MAN1C1: variants seen among roughly 807,000 people sequenced by gnomAD.
MAN1C1 encodes mannosidase alpha class 1C member 1, also known as mannosyl-oligosaccharide 1,2-alpha-mannosidase IC.
A neutral mutation model predicts 71.5 loss-of-function variants in MAN1C1; 49 were observed. That is an observed-to-expected ratio of 0.69 (90% CI 0.54 to 0.87). MAN1C1 has a LOEUF of 0.87. Among genes scored for constraint, MAN1C1 ranks in the 40% least tolerant of loss-of-function variants. The probability of loss-of-function intolerance (pLI) is 0.00; values close to 1 mark genes in which losing one functional copy is unlikely to be tolerated. For missense variants in MAN1C1, 743 were observed against 835.0 expected (o/e 0.89, Z 1.36); for synonymous variants, 352 against 343.7 (o/e 1.02, Z -0.27).
rs1405767592 is a variant in MAN1C1 at position 25,616,814 on chromosome 1, C to A, written c.-984C>A. Among the ~76,000 whole-genome samples, 1 of 147,764 alleles carries A rather than the reference C, an allele frequency of 6.8e-6. No homozygotes were observed. The highest frequency in any genetic ancestry group is 2.1e-4 in the South Asian group (1 of 4,816). ...GCAGTGAAAGCCCGAGCGGCGGCGGCGGCGGGGACGGCGGTGGAGGCGGCC... is the reference window on the plus strand; with the variant it reads ...GCAGTGAAAGCCCGAGCGGCGGCGGAGGCGGGGACGGCGGTGGAGGCGGCC... On this transcript the variant is annotated 5_prime_UTR_variant, in exon 1 of 12. Coordinates refer to ENST00000374332, the MANE Select transcript of MAN1C1 (RefSeq NM_020379.4). The surrounding 1 kb of genome is among the most constrained non-coding windows in gnomAD (Gnocchi z 5.6).
At position 25,617,844 on chromosome 1, in the gene MAN1C1, G is replaced by A; in HGVS notation, c.47G>A (p.Gly16Glu). 1 of 1,606,194 alleles carries A rather than the reference G, an allele frequency of 6.2e-7. No individual in the cohort carries two copies. Among genetic ancestry groups the A allele is most frequent in the Non-Finnish European group, 8.5e-7 (1 of 1,177,372 alleles). The change falls in exon 1 of 12, where the codon GGG becomes GAG. Residue 16 changes from glycine to glutamate, a missense_variant. By Grantham distance (98) the Gly-to-Glu change is moderately conservative (BLOSUM62 -2). Coordinates refer to ENST00000374332, the MANE Select transcript of MAN1C1 (RefSeq NM_020379.4). The surrounding 1 kb of genome is among the most constrained non-coding windows in gnomAD (Gnocchi z 5.1). ...GGCTTCGTCCCGGCCTCCCCGTGGG[G>A]GCTGCGGCTGCCGCAGAAGTTCCTC... ...VPGFVPASPW[G>E]LRLPQKFLFL...
rs1051663682 is a variant in MAN1C1 at position 25,634,692 on chromosome 1, C to T, written c.540+16355C>T. On this transcript the variant is annotated intron_variant, in intron 1 of 11. Transcript: ENST00000374332. This position sits in a 1 kb window ranked among gnomAD's most constrained non-coding sequence, Gnocchi z 4.6. ...AAAATCAGCCGGGCTTCTTGGCACACGCCTGTAGTCCCAGCTATTCAGGAG... is the reference window on the plus strand; with the variant it reads ...AAAATCAGCCGGGCTTCTTGGCACATGCCTGTAGTCCCAGCTATTCAGGAG... 1.3e-4 allele frequency among the ~76,000 whole-genome samples: 19 copies of T among 152,000 alleles called. No individual in the cohort carries two copies. Among genetic ancestry groups the T allele is most frequent in the African/African-American group, 1.9e-4 (8 of 41,368 alleles).
intron 4 of MAN1C1, among the ~76,000 whole-genome samples, chr1:25,749,922 C>A (rs1385354799): frequency 6.6e-6 from 1 of 152,246 alleles, no homozygotes; most frequent in Non-Finnish European, 1.5e-5. Context: ...TGAGGTGGGG[C>A]AGCCACTGCT....
intron 9 of MAN1C1, 108 bp from the exon 10 acceptor site, chr1:25,780,832 C>T: frequency 8.2e-7 from 1 of 1,223,928 alleles, no homozygotes; most frequent in Non-Finnish European, 1.2e-6. Flanking sequence ...CCACACACAC[C>T]TGACATCACC....
chr1:25,625,146 C>T (rs1402577289), intron 1 of MAN1C1, among the ~76,000 whole-genome samples: 1 of 151,804 alleles, frequency 6.6e-6, no homozygotes, highest in Non-Finnish European at 1.5e-5. Context: ...GCTGGGATTA[C>T]AGGCACCTGC....
chr1:25,632,068 G>T (rs557986930), intron 1 of MAN1C1, among the ~76,000 whole-genome samples: 1 of 152,188 alleles, frequency 6.6e-6, no homozygotes, highest in Non-Finnish European at 1.5e-5. Context: ...GCGGGCTGCC[G>T]TGTCCAGCCC....
At chr1:25,682,692 A>T (rs1278975893) in intron 1 of MAN1C1, among the ~76,000 whole-genome samples, 1 of 152,170 alleles carries the variant, frequency 6.6e-6, no homozygotes, top group African/African-American at 2.4e-5. Context: ...GAAACTCCAC[A>T]ATCAAATGGG....
chr1:25,650,253 A>G (rs1419647848), intron 1 of MAN1C1, among the ~76,000 whole-genome samples: 1 of 151,724 alleles, frequency 6.6e-6, no homozygotes, highest in South Asian at 2.1e-4. Flanking sequence ...TTTCTTACCC[A>G]GTGTTTATTT....
rs142335816 is a variant in MAN1C1 at position 25,631,261 on chromosome 1, C to T, written c.540+12924C>T. Among the ~76,000 whole-genome samples, 225 of 152,304 alleles carry T rather than the reference C, an allele frequency of 1.5e-3. No individual in the cohort carries two copies. Among genetic ancestry groups the T allele is most frequent in the African/African-American group, 5.1e-3 (213 of 41,566 alleles). ...AGGATTACAGGCATGAGCCACCGCA[C>T]CCAGCCCAGTGCTATGTTTAATAGA... On this transcript the variant is annotated intron_variant, in intron 1 of 11. Transcript: ENST00000374332. This position sits in a 1 kb window ranked among gnomAD's most constrained non-coding sequence, Gnocchi z 4.2.
chr1:25,708,659 C>T (rs200521522), intron 2 of MAN1C1, among the ~76,000 whole-genome samples: 21 of 152,176 alleles, frequency 1.4e-4, no homozygotes, highest in African/African-American at 4.3e-4. Context: ...CCGAGGCAGG[C>T]GGATCACCTG....
intron 4 of MAN1C1, 27 bp downstream of exon 4, chr1:25,749,362 A>C: frequency 6.4e-7 from 1 of 1,566,534 alleles, no homozygotes. Context: ...TGACCCCTGA[A>C]CTGTCCAGGC....
chr1:25,741,058 C>T lies in MAN1C1; in HGVS notation c.638-5610C>T, dbSNP rs549707731. On this transcript the variant is annotated intron_variant, in intron 2 of 11. Coordinates refer to ENST00000374332, the MANE Select transcript of MAN1C1 (RefSeq NM_020379.4). ...TCAAGATGGGGAAGACTGGAAGGAA[C>T]AGGTCTGGAGGAAGGCATGGGATTG... 2.6e-5 allele frequency among the ~76,000 whole-genome samples: 4 copies of T among 152,086 alleles called. No homozygotes were observed. In the South Asian group the frequency reaches 8.3e-4, roughly 32 times the overall value.
At chr1:25,757,044 G>A (rs807258) in intron 5 of MAN1C1, among the ~76,000 whole-genome samples, 96,608 of 151,898 alleles carry the variant, frequency 0.64, 31,831 homozygotes, top group Middle Eastern at 0.83. Flanking sequence ...CGAGCCCTTC[G>A]TCTGTTCCCA....
At chr1:25,681,631 C>T (rs1220723289) in intron 1 of MAN1C1, among the ~76,000 whole-genome samples, 1 of 152,182 alleles carries the variant, frequency 6.6e-6, no homozygotes, top group Non-Finnish European at 1.5e-5. Flanking sequence ...AGACCTGCTG[C>T]ATTAACTTTT....
intron 6 of MAN1C1, 98 bp from the exon 7 acceptor site, chr1:25,763,776 C>T (rs2047391647): frequency 4.3e-6 from 4 of 921,440 alleles, no homozygotes; most frequent in Non-Finnish European, 5.3e-6. Flanking sequence ...AAGGTTTCCT[C>T]CATGCATCTG....
intron 1 of MAN1C1, among the ~76,000 whole-genome samples, chr1:25,625,177 G>A (rs1232949397): frequency 6.6e-6 from 1 of 151,712 alleles, no homozygotes; most frequent in Non-Finnish European, 1.5e-5. Flanking sequence ...AGCTAATTTT[G>A]TATTTTTAGT....
intron 1 of MAN1C1, among the ~76,000 whole-genome samples, chr1:25,662,599 GCCCATCCGTAAA>G (rs2045864894): frequency 6.6e-6 from 1 of 151,956 alleles, no homozygotes; most frequent in Non-Finnish European, 1.5e-5. Context: ...GTTCCCTAAA[GCCCATCCGTAAA>G]CTCCAAATCA....
rs1055168788 is a variant in MAN1C1 at position 25,616,887 on chromosome 1, G to A, written c.-911G>A. On this transcript the variant is annotated 5_prime_UTR_variant, in exon 1 of 12. Coordinates refer to ENST00000374332, the MANE Select transcript of MAN1C1 (RefSeq NM_020379.4). The surrounding 1 kb of genome is among the most constrained non-coding windows in gnomAD (Gnocchi z 5.6). The stretch of plus-strand genomic sequence containing the variant: ...GGCGCAGGCTCGGCGGCAGCGGCCG[G>A]TCTGGAGCGGCCGCTGCGAGGAAGA... Among the ~76,000 whole-genome samples the A allele has an allele frequency of 1.3e-5, 2 of 148,734 alleles. No individual in the cohort carries two copies. Among genetic ancestry groups the A allele is most frequent in the Non-Finnish European group, 3.0e-5 (2 of 66,496 alleles).
intron 1 of MAN1C1, among the ~76,000 whole-genome samples, chr1:25,622,947 A>T (rs1347910561): frequency 6.6e-6 from 1 of 152,212 alleles, no homozygotes; most frequent in East Asian, 1.9e-4. Flanking sequence ...TAGCATGTGA[A>T]TCTGAGCCTG....
Sources: allele counts gnomAD v4.1 joint callset (sites outside exome capture counted in the v4.1 genomes callset), GRCh38; gene constraint gnomAD v4.1.1; non-coding constraint Gnocchi (gnomAD v3.1); transcripts MANE v1.5; gene names NCBI Gene and HGNC (gene_info 2026-07-23, HGNC 2026-07-21).